C18orf63: variants seen among roughly 807,000 people sequenced by gnomAD.
C18orf63 encodes chromosome 18 open reading frame 63.
Under a neutral mutation model 75.3 loss-of-function variants are expected in C18orf63, and 50 were observed. That is an observed-to-expected ratio of 0.66 (90% CI 0.53 to 0.84). C18orf63 has a LOEUF of 0.84. Among genes scored for constraint, C18orf63 ranks in the 40% least tolerant of loss-of-function variants. The pLI is 0.00. For synonymous variants in C18orf63, 232 were observed against 267.6 expected, an observed-to-expected ratio of 0.87 and a Z score of 1.30; for missense variants, 732 against 800.2, an observed-to-expected ratio of 0.91 and a Z score of 1.03.
intron 4 of C18orf63, among the ~76,000 whole-genome samples, chr18:74,326,450 T>C (rs1260063359): frequency 6.6e-6 from 1 of 152,196 alleles, no homozygotes; most frequent in African/African-American, 2.4e-5. Flanking sequence ...TGCTAATCCA[T>C]ACTCAGCTGA....
chr18:74,323,404 CT>C (rs1450088789), intron 4 of C18orf63, among the ~76,000 whole-genome samples: 1 of 152,212 alleles, frequency 6.6e-6, no homozygotes, highest in East Asian at 1.9e-4. Flanking sequence ...GTCAATAACA[CT>C]TTCCAGTTCC....
chr18:74,346,050 T>G (rs1984569084), intron 11 of C18orf63, among the ~76,000 whole-genome samples: 2 of 152,130 alleles, frequency 1.3e-5, no homozygotes, highest in African/African-American at 4.8e-5. Flanking sequence ...TAGTGTATAT[T>G]TCTCCACATA....
rs987873056 is a variant in C18orf63 at position 74,316,037 on chromosome 18, C to A, written c.-105C>A. ...CCCTGCCGCCCACCCGCCCTTTCCT[C>A]CCCCTGAGGAGACGCCTGACGCATC... On this transcript the variant is annotated 5_prime_UTR_variant, in exon 1 of 14. Coordinates refer to ENST00000579455, the MANE Select transcript of C18orf63 (RefSeq NM_001174123.2). 2 of 152,280 alleles carry A rather than the reference C, an allele frequency of 1.3e-5. No individual in the cohort carries two copies. The highest frequency in any genetic ancestry group is 2.9e-5 in the Non-Finnish European group (2 of 68,166). 9.4% of individuals were successfully genotyped at this position (152,280 alleles called of 1,614,324 possible). A position where few individuals can be genotyped will look rare whatever the true frequency, so the allele number is the denominator to read the frequency against.
chr18:74,343,519 A>G lies in C18orf63; in HGVS notation c.795A>G (p.Thr265=), dbSNP rs1301558459. 1.3e-6 allele frequency: 2 copies of G among 1,516,460 alleles called. No homozygotes were observed. Among genetic ancestry groups the G allele is most frequent in the African/African-American group, 2.8e-5 (2 of 72,158 alleles). The allele number at this position is 1,516,460 out of a possible 1,614,324, so 93.9% of individuals were successfully genotyped here. A position where few individuals can be genotyped will look rare whatever the true frequency, so the allele number is the denominator to read the frequency against. Residue 265 remains threonine (T), a splice_region_variant and synonymous_variant, in exon 11 of 14, where the codon ACA becomes ACG. Transcript: ENST00000579455. ...GACATTGTTCTTTAACATTGTTCAG[A>G]TATCCTCTCAGTTGCATCAGAAGTC... is the stretch of plus-strand genomic sequence containing the variant. ...YFKMLGERTF[T]YPLSCIRSQP... is the part of the protein sequence containing the mutation.
chr18:74,344,978 C>T (rs1984548964), intron 11 of C18orf63, among the ~76,000 whole-genome samples: 1 of 152,058 alleles, frequency 6.6e-6, no homozygotes, highest in Non-Finnish European at 1.5e-5. Flanking sequence ...CAAACTATTT[C>T]CCTAACCAAT....
At chr18:74,338,546 C>A (rs1984428777) in intron 7 of C18orf63, among the ~76,000 whole-genome samples, 169 bp from the exon 8 acceptor site, 1 of 152,192 alleles carries the variant, frequency 6.6e-6, no homozygotes, top group East Asian at 1.9e-4. Context: ...GCAGGGTGAG[C>A]TGCAACTTTG....
chr18:74,339,646 A>C (rs1486671125), intron 8 of C18orf63, among the ~76,000 whole-genome samples: 1 of 152,168 alleles, frequency 6.6e-6, no homozygotes, highest in Non-Finnish European at 1.5e-5. Flanking sequence ...TAGCTAGAGC[A>C]GTTAGACAAG....
In C18orf63 at chr18:74,353,503, G is replaced by A. The variant is rs1163321312; in HGVS notation, c.1236G>A (p.Met412Ile). 2 of 1,536,542 alleles carry A rather than the reference G, an allele frequency of 1.3e-6. No individual in the cohort carries two copies. Among genetic ancestry groups the A allele is most frequent in the South Asian group, 1.2e-5 (1 of 84,064 alleles). The change falls in exon 12 of 14, where the codon ATG (methionine) becomes ATA (isoleucine). Residue 412 changes from methionine (M) to isoleucine (I), a missense_variant. Met to Ile is a conservative substitution (Grantham distance 10). Coordinates refer to ENST00000579455, the MANE Select transcript of C18orf63 (RefSeq NM_001174123.2). ...CACAAGTACATTCAGAAGTATTAAT[G>A]CCCAACAGAGGAAATACTCAAGTTC... ...RAPQVHSEVL[M>I]PNRGNTQVQH...
chr18:74,336,315 A>T (rs1984390349), intron 7 of C18orf63, among the ~76,000 whole-genome samples: 1 of 152,068 alleles, frequency 6.6e-6, no homozygotes, highest in Non-Finnish European at 1.5e-5. Flanking sequence ...AAAATACATT[A>T]AAAAACAATG....
At chr18:74,328,923 G>GC in intron 5 of C18orf63, 72 bp from the exon 6 acceptor site, 1 of 835,944 alleles carries the variant, frequency 1.2e-6, no homozygotes, top group Non-Finnish European at 1.9e-6. Flanking sequence ...CTCACATCAA[G>GC]CATAGTTATA....
Position 74,317,927 on chromosome 18 carries a change from G to A in C18orf63, c.62G>A (p.Cys21Tyr), listed in dbSNP as rs1337971544. Reference protein sequence around the residue: ...FITLPDLNKLCAVRIILSNKV... With the variant: ...FITLPDLNKLYAVRIILSNKV... ...ACACTTCCAGATTTAAACAAACTCT[G>A]TGCTGTCAGAATAATACTGAGTAAT... The change falls in exon 2 of 14, where the codon TGT (cysteine) becomes TAT (tyrosine). Residue 21 changes from cysteine (C) to tyrosine (Y), a missense_variant. Cys to Tyr is a radical substitution (Grantham distance 194, BLOSUM62 -2). Coordinates refer to ENST00000579455, the MANE Select transcript of C18orf63 (RefSeq NM_001174123.2). 6.5e-7 allele frequency: 1 copy of A among 1,533,976 alleles called. No homozygotes were observed. The highest frequency in any genetic ancestry group is 8.7e-7 in the Non-Finnish European group (1 of 1,145,274).
intron 3 of C18orf63, among the ~76,000 whole-genome samples, chr18:74,321,061 T>C (rs1030607815): frequency 5.9e-5 from 9 of 152,208 alleles, no homozygotes; most frequent in Non-Finnish European, 1.2e-4. Flanking sequence ...CCCAATTCTG[T>C]ATGTAACCCT....
At chr18:74,333,955 T>C (rs541504931) in intron 7 of C18orf63, among the ~76,000 whole-genome samples, 1 of 152,182 alleles carries the variant, frequency 6.6e-6, no homozygotes, top group South Asian at 2.1e-4. Flanking sequence ...CACTTTTACT[T>C]ATGTTTTTGA....
Position 74,353,495 on chromosome 18 carries a change from G to A in C18orf63, c.1228G>A (p.Val410Ile). The A allele has an allele frequency of 6.5e-7, 1 of 1,536,528 alleles. No homozygotes were observed. The highest frequency in any genetic ancestry group is 1.4e-5 in the African/African-American group (1 of 73,152). Residue 410 changes from valine to isoleucine, a missense_variant, in exon 12 of 14, where the codon GTA becomes ATA. This residue lies in a region of C18orf63 where 495 missense variants were observed against 508.7 expected (regional missense o/e 0.97). Coordinates refer to ENST00000579455, the MANE Select transcript of C18orf63 (RefSeq NM_001174123.2). ...CAGGGCTCCACAAGTACATTCAGAAGTATTAATGCCCAACAGAGGAAATAC... is the reference window on the plus strand; with the variant it reads ...CAGGGCTCCACAAGTACATTCAGAAATATTAATGCCCAACAGAGGAAATAC... ...SIRAPQVHSE[V>I]LMPNRGNTQV...
At chr18:74,323,894 T>C (rs1015944651) in intron 4 of C18orf63, among the ~76,000 whole-genome samples, 10 of 152,170 alleles carry the variant, frequency 6.6e-5, no homozygotes, top group African/African-American at 2.4e-4. Context: ...ATTAAGTGAA[T>C]TGGCATGTAT....
chr18:74,333,330 G>T (rs1445139541), intron 7 of C18orf63, among the ~76,000 whole-genome samples: 3 of 152,162 alleles, frequency 2.0e-5, no homozygotes, highest in African/African-American at 7.2e-5. Context: ...GGGAGGAGGT[G>T]AGCCAGCATG....
Position 74,323,636 on chromosome 18 carries a change from G to C in C18orf63, c.270+882G>C, listed in dbSNP as rs576665542. On this transcript the variant is annotated intron_variant, in intron 4 of 13. Coordinates refer to ENST00000579455, the MANE Select transcript of C18orf63 (RefSeq NM_001174123.2). ...TGTCATTCACCTAGAACTAGGACTT[G>C]GGTCTTTAAGCAATCTCTACCATAT... is the stretch of plus-strand genomic sequence containing the variant. Among the ~76,000 whole-genome samples, 5 of 152,288 alleles carry C rather than the reference G, an allele frequency of 3.3e-5. No homozygotes were observed. The South Asian group carries it at 8.3e-4, about 25-fold the overall frequency.
intron 10 of C18orf63, 68 bp downstream of exon 10, chr18:74,342,394 CTCATG>C: frequency 1.1e-6 from 1 of 894,780 alleles, no homozygotes; most frequent in Non-Finnish European, 1.7e-6. Flanking sequence ...TGCTCCCACT[CTCATG>C]TCATACTTTT....
chr18:74,316,804 G>T (rs1984034299), intron 1 of C18orf63, among the ~76,000 whole-genome samples: 2 of 152,190 alleles, frequency 1.3e-5, no homozygotes, highest in Non-Finnish European at 2.9e-5. Flanking sequence ...TTTTGAATCT[G>T]CAAGTTTTGC....
Sources: gnomAD v4.1 joint callset for allele counts (sites outside exome capture counted in the v4.1 genomes callset) on GRCh38, gnomAD v4.1.1 for gene constraint, gnomAD v4.1.1 regional missense constraint, MANE v1.5 for transcripts, NCBI Gene and HGNC (gene_info 2026-07-23, HGNC 2026-07-21) for gene names.